Variants in ZNF346 observed in about 807,000 individuals in gnomAD.
ZNF346 encodes the protein zinc finger protein 346, also known as double-stranded RNA-binding zinc finger protein JAZ.
ZNF346 carries 23 observed loss-of-function variants against 33.7 expected under a neutral mutation model. That is an observed-to-expected ratio of 0.68 (90% confidence interval 0.49 to 0.97). ZNF346 has a LOEUF of 0.97. ZNF346 is among the 50% of genes least tolerant of loss of function. ZNF346 has a pLI of 0.00. For missense variants in ZNF346, 340 were observed against 371.1 expected, an observed-to-expected ratio of 0.92 and a Z score of 0.69; for synonymous variants, 134 against 142.4, an observed-to-expected ratio of 0.94 and a Z score of 0.42.
At chr5:177,064,044 T>C (rs1481985450) in intron 6 of ZNF346, among the ~76,000 whole-genome samples, 3 of 152,192 alleles carry the variant, frequency 2.0e-5, no homozygotes, top group Non-Finnish European at 4.4e-5. Context: ...GAAAGCCTAA[T>C]TATCAGATAG....
exon 9 of ZNF346, chr5:177,080,991 C>T (rs1482606400): frequency 1.3e-5 from 2 of 151,968 alleles, no homozygotes; most frequent in Non-Finnish European, 2.9e-5. Flanking sequence ...GCCTGTACTC[C>T]CAGCACTTTT....
At chr5:177,076,692 G>T (rs967816263) in intron 8 of ZNF346, among the ~76,000 whole-genome samples, 1 of 152,176 alleles carries the variant, frequency 6.6e-6, no homozygotes, top group Admixed American at 6.6e-5. Context: ...CCATTGCAGT[G>T]GTCCCTGTGA....
At chr5:177,050,547 C>G (rs1044991099) in intron 4 of ZNF346, among the ~76,000 whole-genome samples, 4 of 152,132 alleles carry the variant, frequency 2.6e-5, no homozygotes, top group Non-Finnish European at 4.4e-5. Flanking sequence ...CCCAGGTTTC[C>G]CAATTAGAGA....
In ZNF346 at chr5:177,023,553, A is replaced by G. The variant is rs565805486; in HGVS notation, c.175+640A>G. Among the ~76,000 whole-genome samples, 8 of 152,312 alleles carry G rather than the reference A, an allele frequency of 5.3e-5. No homozygotes were observed. In the East Asian group the frequency reaches 1.5e-3, roughly 29 times the overall value. On this transcript the variant is annotated intron_variant, in intron 1 of 6. Transcript: ENST00000358149. ...GACCCAAAGTTGCTGAGAACAGTGT[A>G]TGCAAAGCCACGTTAGGGGTCACTC...
rs755639402 is a variant in ZNF346 at position 177,044,500 on chromosome 5, T to G, written c.484T>G (p.Leu162Val). 1.9e-6 allele frequency: 3 copies of G among 1,613,968 alleles called. No homozygotes were observed. The highest frequency in any genetic ancestry group is 2.5e-6 in the Non-Finnish European group (3 of 1,180,010). The change falls in exon 4 of 7, where the codon TTA (leucine) becomes GTA (valine). Residue 162 changes from leucine to valine, a missense_variant. Physicochemically the swap from Leu to Val is conservative, Grantham distance 32. Coordinates refer to ENST00000358149, the MANE Select transcript of ZNF346 (RefSeq NM_012279.4). The stretch of plus-strand genomic sequence containing the variant: ...CCTGGGGAAGACCCACGCAAAGAAC[T>G]TAAAGCTGAAGCAGCAGTCCACTAA... The part of the protein sequence containing the change: ...HYLGKTHAKN[L>V]KLKQQSTKVE...
At chr5:177,070,285 G>A (rs1044670728), downstream of ZNF346, among the ~76,000 whole-genome samples, 7 of 152,252 alleles carry the variant, frequency 4.6e-5, no homozygotes, top group African/African-American at 1.7e-4. Context: ...TTCCTGACTT[G>A]AAATCAGGGC....
chr5:177,072,574 G>A (rs1252617417), downstream of ZNF346, among the ~76,000 whole-genome samples: 1 of 152,198 alleles, frequency 6.6e-6, no homozygotes, highest in Non-Finnish European at 1.5e-5. Context: ...AGGAGGCCGG[G>A]CTCGGTGGCT....
chr5:177,058,982 G>C (rs1446004319), intron 5 of ZNF346, among the ~76,000 whole-genome samples: 1 of 152,130 alleles, frequency 6.6e-6, no homozygotes, highest in Non-Finnish European at 1.5e-5. Flanking sequence ...TGATCCACCC[G>C]CCTCGCCCTC....
At chr5:177,056,015 G>A (rs1781621905) in intron 5 of ZNF346, among the ~76,000 whole-genome samples, 1 of 150,750 alleles carries the variant, frequency 6.6e-6, no homozygotes, top group Admixed American at 6.6e-5. Flanking sequence ...GGAGGAGGTT[G>A]CAGTGAGCCA....
At chr5:177,071,490 T>C (rs575178677), downstream of ZNF346, among the ~76,000 whole-genome samples, 55 of 151,742 alleles carry the variant, frequency 3.6e-4, no homozygotes, top group African/African-American at 1.2e-3. Flanking sequence ...ATCGAGACCA[T>C]CCTGGCTAAC....
intron 1 of ZNF346, among the ~76,000 whole-genome samples, chr5:177,034,565 A>G (rs1581814707): frequency 6.6e-6 from 1 of 152,130 alleles, no homozygotes; most frequent in Non-Finnish European, 1.5e-5. Context: ...TTGCTGTCCC[A>G]CAAAAGTTCT....
intron 1 of ZNF346, among the ~76,000 whole-genome samples, chr5:177,030,564 C>T (rs1777536481): frequency 6.6e-6 from 1 of 151,978 alleles, no homozygotes; most frequent in Admixed American, 6.5e-5. Flanking sequence ...GCCTCAGCCT[C>T]CCAAAGTGCT....
chr5:177,042,339 T>A (rs1014664792), intron 3 of ZNF346: 1 of 152,916 alleles, frequency 6.5e-6, no homozygotes, highest in Non-Finnish European at 1.5e-5. Flanking sequence ...CATGTGCTTT[T>A]TGGCTCAGAA....
intron 5 of ZNF346, among the ~76,000 whole-genome samples, chr5:177,051,509 G>A (rs1168683348): frequency 6.7e-6 from 1 of 150,008 alleles, no homozygotes; most frequent in East Asian, 2.0e-4. Flanking sequence ...TGGAAAGCCA[G>A]ATTTATATAG....
chr5:177,036,004 C>A (rs1281460159), intron 1 of ZNF346, among the ~76,000 whole-genome samples: 2 of 151,292 alleles, frequency 1.3e-5, no homozygotes, highest in African/African-American at 4.9e-5. Context: ...CCTCCAACCT[C>A]ATAAACCTCT....
chr5:177,030,335 A>G (rs1777493213), intron 1 of ZNF346, among the ~76,000 whole-genome samples: 1 of 151,950 alleles, frequency 6.6e-6, no homozygotes, highest in South Asian at 2.1e-4. Context: ...ATGTAGTGCA[A>G]CTGGGCTGGG....
At chr5:177,053,437 C>T (rs748337327) in intron 5 of ZNF346, among the ~76,000 whole-genome samples, 1 of 151,044 alleles carries the variant, frequency 6.6e-6, no homozygotes, top group Admixed American at 6.7e-5. Flanking sequence ...AGGCATGAGC[C>T]GTTACACCCA....
intron 5 of ZNF346, among the ~76,000 whole-genome samples, chr5:177,060,240 T>C (rs1295933381): frequency 6.6e-6 from 1 of 152,122 alleles, no homozygotes; most frequent in African/African-American, 2.4e-5. Flanking sequence ...TACCCAGGTG[T>C]GGCCAGGCAC....
At chr5:177,042,241 A>G (rs1275350030) in intron 3 of ZNF346, 2 of 168,984 alleles carry the variant, frequency 1.2e-5, no homozygotes, top group Admixed American at 6.1e-5. Flanking sequence ...GGGCCAAGGA[A>G]AAGAACTAAG....
Sources: allele counts gnomAD v4.1 joint callset (sites outside exome capture counted in the v4.1 genomes callset), GRCh38; gene constraint gnomAD v4.1.1; transcripts MANE v1.5; gene names NCBI Gene and HGNC (gene_info 2026-07-23, HGNC 2026-07-21).